MEOX2: variants seen among roughly 807,000 people sequenced by gnomAD.
MEOX2 encodes mesenchyme homeobox 2.
MEOX2 carries 11 observed loss-of-function variants against 27.0 expected under a neutral mutation model. That is an observed-to-expected ratio of 0.41 (90% confidence interval 0.26 to 0.68). MEOX2 has a LOEUF of 0.68. Ranked by LOEUF, MEOX2 falls within the 30% of genes least tolerant of loss-of-function variation. The probability of loss-of-function intolerance (pLI) is 0.33; values close to 1 mark genes in which losing one functional copy is unlikely to be tolerated. For missense variants in MEOX2, 436 were observed against 385.4 expected, an observed-to-expected ratio of 1.13 and a Z score of -1.10; for synonymous variants, 189 against 155.4, an observed-to-expected ratio of 1.22 and a Z score of -1.61.
intron 1 of MEOX2, among the ~76,000 whole-genome samples, chr7:15,683,165 T>G (rs759705873): frequency 6.6e-6 from 1 of 152,006 alleles, no homozygotes; most frequent in African/African-American, 2.4e-5. Flanking sequence ...ATTTAAGCTG[T>G]TTTTCAATAC....
At chr7:15,631,104 T>A (rs1465323697) in intron 1 of MEOX2, among the ~76,000 whole-genome samples, 11 of 151,936 alleles carry the variant, frequency 7.2e-5, no homozygotes, top group Non-Finnish European at 8.8e-5. Flanking sequence ...AAAACATCTA[T>A]TATTTCTTGT....
At chr7:15,641,336 T>G (rs1300329449) in intron 1 of MEOX2, among the ~76,000 whole-genome samples, 1 of 152,160 alleles carries the variant, frequency 6.6e-6, no homozygotes, top group Admixed American at 6.6e-5. Flanking sequence ...GAACCCTTTA[T>G]TATAATTCAA....
intron 2 of MEOX2, among the ~76,000 whole-genome samples, chr7:15,626,159 T>C (rs1368401697): frequency 6.6e-6 from 1 of 152,132 alleles, no homozygotes; most frequent in Non-Finnish European, 1.5e-5. Context: ...GGTCAGTGCA[T>C]AAACTTCCAA....
chr7:15,612,632 A>G (rs2115350933), intron 2 of MEOX2, 21 bp from the exon 3 acceptor site: 1 of 1,598,622 alleles, frequency 6.3e-7, no homozygotes, highest in East Asian at 2.2e-5. Flanking sequence ...GAAAGGGAAC[A>G]AACAAACAGA....
chr7:15,622,477 G>T (rs1437774385), intron 2 of MEOX2, among the ~76,000 whole-genome samples: 1 of 151,900 alleles, frequency 6.6e-6, no homozygotes, highest in African/African-American at 2.4e-5. Context: ...TTAAAGCTAA[G>T]GAAAATATTG....
chr7:15,622,016 A>T (rs1193657025), intron 2 of MEOX2, among the ~76,000 whole-genome samples: 2 of 152,008 alleles, frequency 1.3e-5, no homozygotes, highest in Admixed American at 6.6e-5. Context: ...TACCAGAGAG[A>T]CTGAGGAAGA....
chr7:15,623,465 G>C (rs1781250224), intron 2 of MEOX2, among the ~76,000 whole-genome samples: 2 of 152,112 alleles, frequency 1.3e-5, no homozygotes, highest in Non-Finnish European at 2.9e-5. Flanking sequence ...TGCCTCCCAG[G>C]CTTAAATGTT....
intron 2 of MEOX2, among the ~76,000 whole-genome samples, chr7:15,624,470 G>A (rs73300564): frequency 0.053 from 8,016 of 152,138 alleles, 296 homozygotes; most frequent in African/African-American, 0.11. Context: ...GGCTTGCTTT[G>A]GACAATGGGA....
At chr7:15,628,384 CAAT>C (rs1781348482) in intron 1 of MEOX2, among the ~76,000 whole-genome samples, 1 of 152,130 alleles carries the variant, frequency 6.6e-6, no homozygotes, top group South Asian at 2.1e-4. Flanking sequence ...GCAGCAGCAG[CAAT>C]AAGTTGCCTC....
chr7:15,621,542 G>A (rs755063667), intron 2 of MEOX2, among the ~76,000 whole-genome samples: 1 of 152,146 alleles, frequency 6.6e-6, no homozygotes, highest in Non-Finnish European at 1.5e-5. Context: ...GGAAATTCAA[G>A]TCCTGAGTGA....
chr7:15,625,350 T>C (rs1205429806), intron 2 of MEOX2, among the ~76,000 whole-genome samples: 1 of 152,138 alleles, frequency 6.6e-6, no homozygotes, highest in African/African-American at 2.4e-5. Context: ...GTATGTGAAG[T>C]CTAAGGGAAG....
intron 1 of MEOX2, among the ~76,000 whole-genome samples, chr7:15,663,880 C>T (rs1401359305): frequency 6.6e-6 from 1 of 151,996 alleles, no homozygotes; most frequent in African/African-American, 2.4e-5. Context: ...ATTTGATCTC[C>T]TAATTAGGCT....
intron 1 of MEOX2, among the ~76,000 whole-genome samples, chr7:15,656,142 T>C (rs944680964): frequency 6.6e-6 from 1 of 151,830 alleles, no homozygotes; most frequent in Non-Finnish European, 1.5e-5. Context: ...GTCTACTTTA[T>C]CTCATATTAA....
chr7:15,640,157 A>T (rs1180302943), intron 1 of MEOX2, among the ~76,000 whole-genome samples: 1 of 151,900 alleles, frequency 6.6e-6, no homozygotes, highest in Non-Finnish European at 1.5e-5. Context: ...TTCTATAATC[A>T]GTGCTTTGTA....
rs114159185 is a variant in MEOX2 at position 15,615,923 on chromosome 7, T to C, written c.691-3312A>G. 1.9e-3 allele frequency among the ~76,000 whole-genome samples: 290 copies of C among 152,092 alleles called. 2 individuals carry two copies. The highest frequency in any genetic ancestry group is 0.01 in the Middle Eastern group (3 of 292). Reference sequence around the variant, plus strand: ...TAGGAGAAGGGATATAGTAATTATATAATATCAGTATAAAACCTGTTATGG... The same window carrying C: ...TAGGAGAAGGGATATAGTAATTATACAATATCAGTATAAAACCTGTTATGG... On this transcript the variant is annotated intron_variant, in intron 2 of 2. Transcript: ENST00000262041.
At chr7:15,624,244 G>A (rs1173935283) in intron 2 of MEOX2, among the ~76,000 whole-genome samples, 1 of 152,182 alleles carries the variant, frequency 6.6e-6, no homozygotes, top group Admixed American at 6.5e-5. Context: ...AATTCTGCAT[G>A]TATACATCTT....
chr7:15,658,523 A>G (rs1781860704), intron 1 of MEOX2, among the ~76,000 whole-genome samples: 1 of 152,184 alleles, frequency 6.6e-6, no homozygotes, highest in African/African-American at 2.4e-5. Context: ...TTCTGGTATT[A>G]ATGAGGCAAA....
intron 1 of MEOX2, among the ~76,000 whole-genome samples, chr7:15,646,801 G>C (rs1353701046): frequency 6.6e-6 from 1 of 151,864 alleles, no homozygotes; most frequent in Non-Finnish European, 1.5e-5. Context: ...ATTAATGAAT[G>C]AGCATTTACT....
At chr7:15,662,052 G>C (rs1489712086) in intron 1 of MEOX2, among the ~76,000 whole-genome samples, 1 of 151,394 alleles carries the variant, frequency 6.6e-6, no homozygotes, top group Non-Finnish European at 1.5e-5. Context: ...GAATTAAAAT[G>C]AAAAAGATCA....
Sources: allele counts gnomAD v4.1 joint callset (sites outside exome capture counted in the v4.1 genomes callset), GRCh38; gene constraint gnomAD v4.1.1; transcripts MANE v1.5; gene names NCBI Gene and HGNC (gene_info 2026-07-23, HGNC 2026-07-21).